The following CNOT11 variants were observed in gnomAD, a reference collection of about 807,000 sequenced individuals.
CNOT11 encodes the protein CCR4-NOT transcription complex subunit 11, also known as UPF0760 protein C2orf29.
In CNOT11, 18 loss-of-function variants were observed where a neutral mutation model predicts 44.6. The ratio of observed to expected loss-of-function variants is 0.40; its 90% CI spans 0.28 to 0.60. The LOEUF (loss-of-function observed/expected upper bound fraction) is 0.60, where lower values mean the gene tolerates loss of function less well. Ranked by LOEUF, CNOT11 falls within the 20% of genes least tolerant of loss-of-function variation. The pLI, the probability that CNOT11 is intolerant of heterozygous loss-of-function variation, is 0.38. For synonymous variants in CNOT11, 291 were observed against 270.9 expected (o/e 1.07, Z -0.73); for missense variants, 513 against 677.0 (o/e 0.76, Z 2.69).
Position 101,253,435 on chromosome 2 carries a change from G to A in CNOT11, c.471G>A (p.Pro157=), listed in dbSNP as rs1400508897. ...TCGCGCACCTGCTCAACCCCGCGCC[G>A]CCCGCCCGCGGCGGCCAGGAACCCG... ...ASFAHLLNPA[P]PARGGQEPDR... is the part of the protein sequence containing the mutation. The change falls in exon 1 of 7, where the codon CCG becomes CCA. Residue 157 remains proline (P), a synonymous_variant. Coordinates refer to ENST00000289382, the MANE Select transcript of CNOT11 (RefSeq NM_017546.5). The surrounding 1 kb of genome is among the most constrained non-coding windows in gnomAD (Gnocchi z 4.3). The A allele has an allele frequency of 2.0e-6, 3 of 1,530,870 alleles. No homozygotes were observed. Among genetic ancestry groups the A allele is most frequent in the African/African-American group, 1.4e-5 (1 of 71,034 alleles). 94.8% of individuals were successfully genotyped at this position (1,530,870 alleles called of 1,614,324 possible). A position where few individuals can be genotyped will look rare whatever the true frequency, so the allele number is the denominator to read the frequency against.
chr2:101,257,995 A>G (rs777577682), intron 2 of CNOT11, 40 bp downstream of exon 2: 2 of 1,569,876 alleles, frequency 1.3e-6, no homozygotes, highest in Middle Eastern at 1.7e-4. Flanking sequence ...CTGTGTGGTA[A>G]TATTAGGCCT....
At chr2:101,262,772 TC>T in intron 3 of CNOT11, 81 bp downstream of exon 3, 2 of 1,126,960 alleles carry the variant, frequency 1.8e-6, no homozygotes, top group Non-Finnish European at 2.6e-6. Context: ...TTTTGAGACA[TC>T]ATTTTATTTT....
chr2:101,265,782 G>C (rs1624668), intron 4 of CNOT11, among the ~76,000 whole-genome samples: 7 of 151,966 alleles, frequency 4.6e-5, no homozygotes, highest in African/African-American at 1.4e-4. Context: ...CAGCTGGATC[G>C]TGGTGTATTT....
In CNOT11 at chr2:101,269,419, C is replaced by G; in HGVS notation, c.*6C>G. The G allele has an allele frequency of 6.2e-7, 1 of 1,611,042 alleles. No individual in the cohort carries two copies. Among genetic ancestry groups the G allele is most frequent in the South Asian group, 1.1e-5 (1 of 91,004 alleles). ...AGACCAAAATGTCAAAATAATACCTCATCAGAACCATCCCATCCATTCACT... is the reference window on the plus strand; with the variant it reads ...AGACCAAAATGTCAAAATAATACCTGATCAGAACCATCCCATCCATTCACT... On this transcript the variant is annotated 3_prime_UTR_variant, in exon 7 of 7. Transcript: ENST00000289382. This position sits in a 1 kb window ranked among gnomAD's most constrained non-coding sequence, Gnocchi z 4.8.
rs1289311011 is a variant in CNOT11 at position 101,267,008 on chromosome 2, C to A, written c.1238+129C>A. ...TTAACTATTAAAGAAATAATGTAAG[C>A]CTTAGCATTCACTACATGTAAATTT... On this transcript the variant is annotated intron_variant, in intron 5 of 6. Coordinates refer to ENST00000289382, the MANE Select transcript of CNOT11 (RefSeq NM_017546.5). The A allele has an allele frequency of 2.9e-5, 19 of 651,860 alleles. 1 individual carries two copies. Among genetic ancestry groups the A allele is most frequent in the Admixed American group, 1.6e-4 (6 of 36,396 alleles). The allele number at this position is 651,860 out of a possible 1,614,324, so 40.4% of individuals were successfully genotyped here. A position where few individuals can be genotyped will look rare whatever the true frequency, so the allele number is the denominator to read the frequency against.
intron 4 of CNOT11, 46 bp from the exon 5 acceptor site, chr2:101,266,631 C>G (rs375814795): frequency 4.2e-5 from 61 of 1,466,402 alleles, no homozygotes; most frequent in Non-Finnish European, 5.3e-5. Context: ...GACTCAACAC[C>G]CTTTCTCTCT....
chr2:101,269,676 G>T lies in CNOT11; in HGVS notation c.*263G>T. The T allele has an allele frequency of 3.1e-6, 1 of 318,646 alleles. No individual in the cohort carries two copies. Among genetic ancestry groups the T allele is most frequent in the South Asian group, 1.1e-4 (1 of 9,032 alleles). 19.7% of individuals were successfully genotyped at this position (318,646 alleles called of 1,614,324 possible). ...ATCCCAAAAAAAGTTCCGCAAAAAA[G>T]TAGATGAGTTTCTTTTTTTTTTAAG... is the stretch of plus-strand genomic sequence containing the variant. On this transcript the variant is annotated 3_prime_UTR_variant, in exon 7 of 7. Coordinates refer to ENST00000289382, the MANE Select transcript of CNOT11 (RefSeq NM_017546.5). The surrounding 1 kb of genome is among the most constrained non-coding windows in gnomAD (Gnocchi z 4.8).
At chr2:101,262,441 T>G in intron 2 of CNOT11, 98 bp from the exon 3 acceptor site, 1 of 1,085,680 alleles carries the variant, frequency 9.2e-7, no homozygotes, top group Non-Finnish European at 1.4e-6. Context: ...AATCTGGCCC[T>G]TTGTTTTTCT....
chr2:101,266,883 A>C lies in CNOT11; in HGVS notation c.1238+4A>C. 1 of 1,607,338 alleles carries C rather than the reference A, an allele frequency of 6.2e-7. No homozygotes were observed. The highest frequency in any genetic ancestry group is 8.5e-7 in the Non-Finnish European group (1 of 1,173,940). ...ATTCAATGGAAGTTGTAAATCGGTA[A>C]GTTTCTAGATTTGATCAAATGTGTG... On this transcript the variant is annotated splice_donor_region_variant and intron_variant, in intron 5 of 6. Coordinates refer to ENST00000289382, the MANE Select transcript of CNOT11 (RefSeq NM_017546.5).
intron 1 of CNOT11, among the ~76,000 whole-genome samples, chr2:101,257,305 A>G (rs1375493895): frequency 6.6e-6 from 1 of 151,698 alleles, no homozygotes; most frequent in African/African-American, 2.4e-5. Context: ...AGGCAGGAGA[A>G]TCTCTTGAAC....
At position 101,269,784 on chromosome 2, in the gene CNOT11, TGA is replaced by T. The variant is rs1682070101; in HGVS notation, c.*375_*376del. The T allele has an allele frequency of 5.8e-6, 1 of 171,984 alleles. No homozygotes were observed. Among genetic ancestry groups the T allele is most frequent in the Non-Finnish European group, 1.2e-5 (1 of 80,514 alleles). The allele number at this position is 171,984 out of a possible 1,614,324, so 10.7% of individuals were successfully genotyped here. ...TGTTTTCGTAAAGTTCCAATGTTGATGAGAGTAAATTCTTAAGCATTTGTCCT... is the reference window on the plus strand; with the variant it reads ...TGTTTTCGTAAAGTTCCAATGTTGATGAGTAAATTCTTAAGCATTTGTCCT... On this transcript the variant is annotated 3_prime_UTR_variant, in exon 7 of 7. Transcript: ENST00000289382. The surrounding 1 kb of genome is among the most constrained non-coding windows in gnomAD (Gnocchi z 4.8).
chr2:101,261,428 A>G (rs1369954671), intron 2 of CNOT11, among the ~76,000 whole-genome samples: 1 of 152,202 alleles, frequency 6.6e-6, no homozygotes, highest in Non-Finnish European at 1.5e-5. Context: ...TGGTACCTTC[A>G]CACTGTGGAG....
In CNOT11 at chr2:101,265,033, C is replaced by A. The variant is rs766205439; in HGVS notation, c.1021C>A (p.Pro341Thr). The part of the protein sequence containing the change: ...AKAFKSPLSS[P>T]QQTQLLGELE... ...AGCCTTCAAAAGCCCCTTATCCTCT[C>A]CCCAACAAACACAGGTGTGTATTGA... Residue 341 changes from proline (P) to threonine (T), a missense_variant, in exon 4 of 7, where the codon CCC becomes ACC. Around this residue, in one of 4 missense-constraint regions of CNOT11, gnomAD observed 140 missense variants for 169.8 expected, o/e 0.82. Transcript: ENST00000289382. 1.9e-6 allele frequency: 3 copies of A among 1,610,938 alleles called. No homozygotes were observed. In the Admixed American group the frequency reaches 5.0e-5, roughly 27 times the overall value.
Position 101,253,012 on chromosome 2 carries a change from C to A in CNOT11, c.48C>A (p.Ala16=). 6.7e-7 allele frequency: 1 copy of A among 1,502,518 alleles called. No individual in the cohort carries two copies. 93.1% of individuals were successfully genotyped at this position (1,502,518 alleles called of 1,614,324 possible). ...CGGCGTCTGGCCGGCTTCTCACCGC[C>A]GCGGAGCAAAGAGGGTCCCGGGAAG... ...ASAASGRLLT[A]AEQRGSREAA... The change falls in exon 1 of 7, where the codon GCC becomes GCA. Residue 16 remains alanine (A), a synonymous_variant. Coordinates refer to ENST00000289382, the MANE Select transcript of CNOT11 (RefSeq NM_017546.5). The surrounding 1 kb of genome is among the most constrained non-coding windows in gnomAD (Gnocchi z 4.3).
At chr2:101,264,488 T>C (rs1681934009) in intron 3 of CNOT11, among the ~76,000 whole-genome samples, 1 of 152,174 alleles carries the variant, frequency 6.6e-6, no homozygotes, top group Non-Finnish European at 1.5e-5. Flanking sequence ...GAGGGCATAG[T>C]ATTTCATTTT....
intron 5 of CNOT11, among the ~76,000 whole-genome samples, chr2:101,267,244 G>A (rs570175129): frequency 4.6e-5 from 7 of 152,034 alleles, no homozygotes; most frequent in South Asian, 2.1e-4. Flanking sequence ...TGCCTTAGCC[G>A]CCCTAGTAGC....
intron 3 of CNOT11, among the ~76,000 whole-genome samples, chr2:101,264,135 CTA>C (rs1195762006): frequency 3.9e-5 from 6 of 152,188 alleles, no homozygotes; most frequent in African/African-American, 9.7e-5. Context: ...TATGTGGAAA[CTA>C]TGTGAGATGT....
intron 5 of CNOT11, among the ~76,000 whole-genome samples, chr2:101,268,243 ACT>A (rs2104371017): frequency 6.6e-6 from 1 of 152,090 alleles, no homozygotes; most frequent in South Asian, 2.1e-4. Context: ...GTGAAGACTC[ACT>A]CTTTTCAGTG....
At position 101,269,184 on chromosome 2, in the gene CNOT11, G is replaced by A; in HGVS notation, c.1336-32G>A. 2 of 1,601,816 alleles carry A rather than the reference G, an allele frequency of 1.2e-6. No homozygotes were observed. Among genetic ancestry groups the A allele is most frequent in the Non-Finnish European group, 1.7e-6 (2 of 1,172,816 alleles). Reference sequence around the variant, plus strand: ...TTATAAATGGCTGCCAGGAAAATGAGCAGACTAACATTTTTTTTTTTCCTT... The same window carrying A: ...TTATAAATGGCTGCCAGGAAAATGAACAGACTAACATTTTTTTTTTTCCTT... On this transcript the variant is annotated intron_variant, in intron 6 of 6. Coordinates refer to ENST00000289382, the MANE Select transcript of CNOT11 (RefSeq NM_017546.5). The surrounding 1 kb of genome is among the most constrained non-coding windows in gnomAD (Gnocchi z 4.8).
Sources: allele counts gnomAD v4.1 joint callset (sites outside exome capture counted in the v4.1 genomes callset), GRCh38; gene constraint gnomAD v4.1.1; regional missense constraint gnomAD v4.1.1; non-coding constraint Gnocchi (gnomAD v3.1); transcripts MANE v1.5; gene names NCBI Gene and HGNC (gene_info 2026-07-23, HGNC 2026-07-21).